TUSC3: variants seen among roughly 807,000 people sequenced by gnomAD.
TUSC3 encodes the protein dolichyl-diphosphooligosaccharide--protein glycosyltransferase subunit TUSC3.
In TUSC3, 45 loss-of-function variants were observed where a neutral mutation model predicts 44.8. The observed-to-expected ratio is 1.00, with a 90% CI of 0.79 to 1.29. The LOEUF (loss-of-function observed/expected upper bound fraction) is 1.29. TUSC3 is among the 50% of genes most tolerant of loss of function. The probability of loss-of-function intolerance (pLI) is 0.00; values close to 1 mark genes in which losing one functional copy is unlikely to be tolerated. For missense variants in TUSC3, 519 were observed against 437.9 expected, an observed-to-expected ratio of 1.19 and a Z score of -1.65; for synonymous variants, 212 against 152.9, an observed-to-expected ratio of 1.39 and a Z score of -2.85.
chr8:15,444,136 G>A (rs1156871447), intron 1 of TUSC3, among the ~76,000 whole-genome samples: 1 of 152,132 alleles, frequency 6.6e-6, no homozygotes. Context: ...ATATTCATAA[G>A]CAATTAATTG....
intron 1 of TUSC3, among the ~76,000 whole-genome samples, chr8:15,429,363 G>T (rs915438984): frequency 1.3e-5 from 2 of 150,892 alleles, no homozygotes; most frequent in African/African-American, 2.5e-5. Context: ...TGCTGTTTTG[G>T]TTACTGTAGC....
At position 15,442,884 on chromosome 8, in the gene TUSC3, C is replaced by T. The variant is rs567747006; in HGVS notation, n.91+25579C>T. Among the ~76,000 whole-genome samples, 8 of 152,244 alleles carry T rather than the reference C, an allele frequency of 5.3e-5. No homozygotes were observed. In the South Asian group the frequency reaches 1.0e-3, roughly 20 times the overall value. On this transcript the variant is annotated intron_variant and non_coding_transcript_variant, in intron 1 of 5. Transcript: ENST00000503191. ...CAGTTGTAGACAAGAATCTTCCCAC[C>T]CTTCATATCTGATCAAGTTTCTCTC...
At position 15,750,761 on chromosome 8, in the gene TUSC3, A is replaced by G. The variant is rs530665427; in HGVS notation, c.1028+2296A>G. ...TGGCATTTGAACAGTCTTCTTATGTAACCAGCCCCACACTCCTGTCAGCTC... is the reference window on the plus strand; with the variant it reads ...TGGCATTTGAACAGTCTTCTTATGTGACCAGCCCCACACTCCTGTCAGCTC... On this transcript the variant is annotated intron_variant, in intron 9 of 10. Coordinates refer to ENST00000503731, the MANE Select transcript of TUSC3 (RefSeq NM_006765.4). Among the ~76,000 whole-genome samples, 6 of 152,234 alleles carry G rather than the reference A, an allele frequency of 3.9e-5. No homozygotes were observed. In the South Asian group the frequency reaches 1.0e-3, roughly 26 times the overall value.
intron 6 of TUSC3, among the ~76,000 whole-genome samples, chr8:15,726,757 G>T (rs974841237): frequency 1.3e-5 from 2 of 152,186 alleles, no homozygotes; most frequent in Non-Finnish European, 2.9e-5. Context: ...AGTGAGCCGA[G>T]ATCATGCCAC....
chr8:15,615,206 A>C (rs998391487), intron 1 of TUSC3, among the ~76,000 whole-genome samples: 11 of 152,220 alleles, frequency 7.2e-5, no homozygotes, highest in African/African-American at 1.4e-4. Flanking sequence ...TGTGGAATCA[A>C]CCTAAGTGTC....
At chr8:15,741,347 AATGT>A (rs1265027242) in intron 7 of TUSC3, among the ~76,000 whole-genome samples, 1 of 152,194 alleles carries the variant, frequency 6.6e-6, no homozygotes, top group Non-Finnish European at 1.5e-5. Context: ...TCATAAAATG[AATGT>A]ATGTTTTACT....
At chr8:15,775,350 G>C in the TUSC3 span, among the ~76,000 whole-genome samples, 1 of 151,952 alleles carries the variant, frequency 6.6e-6, no homozygotes, top group Non-Finnish European at 1.5e-5. Flanking sequence ...GGTTATTTTA[G>C]GGGTGATGAA....
At chr8:15,624,758 T>G (rs1805414720) in intron 2 of TUSC3, among the ~76,000 whole-genome samples, 2 of 152,210 alleles carry the variant, frequency 1.3e-5, no homozygotes, top group Admixed American at 1.3e-4. Context: ...TGTATTTTCC[T>G]CCTCATTACA....
chr8:15,584,946 A>T (rs568439140), intron 1 of TUSC3, among the ~76,000 whole-genome samples: 23 of 152,358 alleles, frequency 1.5e-4, no homozygotes, highest in Admixed American at 1.5e-3. Flanking sequence ...ACATAAAGAC[A>T]TTGAACGATG....
Position 15,573,230 on chromosome 8 carries a change from A to ATATATATAT in TUSC3, c.138+32662_138+32663insTATATATAT, listed in dbSNP as rs1491232177. On this transcript the variant is annotated intron_variant, in intron 1 of 10. Coordinates refer to ENST00000503731, the MANE Select transcript of TUSC3 (RefSeq NM_006765.4). ...TATATATATATATATATATATATAT[A>ATATATATAT]AAAGTTTTTTTTTTTTTGGGCATAC... Among the ~76,000 whole-genome samples, 161 of 105,962 alleles carry ATATATATAT rather than the reference A, an allele frequency of 1.5e-3. 1 individual carries two copies. The highest frequency in any genetic ancestry group is 5.0e-3 in the African/African-American group (128 of 25,754). 69.5% of individuals were successfully genotyped at this position (105,962 alleles called of 152,430 possible).
chr8:15,639,581 T>G (rs1183077725), intron 2 of TUSC3, among the ~76,000 whole-genome samples: 3 of 152,216 alleles, frequency 2.0e-5, no homozygotes, highest in African/African-American at 7.2e-5. Flanking sequence ...AGATAAAACT[T>G]TCTGCATTTT....
Position 15,640,772 on chromosome 8 carries a change from G to A in TUSC3, c.309-9925G>A, listed in dbSNP as rs1337669098. ...AAATTCTCTCCTGGATCCAAGGGGA[G>A]ATGATGGTGAACAAACTGACCTGGC... is the stretch of plus-strand genomic sequence containing the variant. On this transcript the variant is annotated intron_variant, in intron 2 of 10. Coordinates refer to ENST00000503731, the MANE Select transcript of TUSC3 (RefSeq NM_006765.4). 2.6e-5 allele frequency among the ~76,000 whole-genome samples: 4 copies of A among 152,166 alleles called. No individual in the cohort carries two copies. The East Asian group carries it at 5.8e-4, about 22-fold the overall frequency.
At chr8:15,792,650 C>G in the TUSC3 span, among the ~76,000 whole-genome samples, 1 of 152,024 alleles carries the variant, frequency 6.6e-6, no homozygotes, top group African/African-American at 2.4e-5. Flanking sequence ...GAGCCCTGCT[C>G]TGTCACCCAG....
At chr8:15,420,340 T>TA (rs929295817) in intron 1 of TUSC3, among the ~76,000 whole-genome samples, 7 of 150,636 alleles carry the variant, frequency 4.6e-5, no homozygotes, top group Non-Finnish European at 8.9e-5. Flanking sequence ...CTACTAAAAA[T>TA]AAAAAAAAAT....
At chr8:15,621,393 T>G (rs1310411817) in intron 1 of TUSC3, among the ~76,000 whole-genome samples, 1 of 150,964 alleles carries the variant, frequency 6.6e-6, no homozygotes, top group Non-Finnish European at 1.5e-5. Flanking sequence ...GGAGAAGTCC[T>G]TCTATGTCAC....
rs17611281 is a variant in TUSC3 at position 15,436,544 on chromosome 8, A to G, written n.91+19239A>G. Among the ~76,000 whole-genome samples, 177 of 152,336 alleles carry G rather than the reference A, an allele frequency of 1.2e-3. 2 individuals are homozygous for G. The East Asian group carries it at 0.026, about 22-fold the overall frequency. On this transcript the variant is annotated intron_variant and non_coding_transcript_variant, in intron 1 of 5. Transcript: ENST00000503191. ...GCCGAAGAAATAGAGGTTAAGAACA[A>G]CTAATGTTTCTGAAGTCTTCATATA...
chr8:15,565,259 C>A (rs952345350), intron 1 of TUSC3, among the ~76,000 whole-genome samples: 1 of 151,786 alleles, frequency 6.6e-6, no homozygotes, highest in Non-Finnish European at 1.5e-5. Context: ...ACTTCCATTC[C>A]CACATCTGAA....
intron 6 of TUSC3, among the ~76,000 whole-genome samples, chr8:15,725,493 G>C (rs1810462857): frequency 6.6e-6 from 1 of 152,134 alleles, no homozygotes; most frequent in Non-Finnish European, 1.5e-5. Flanking sequence ...GATATAGTTT[G>C]CTATTACTGA....
chr8:15,810,986 C>T, the TUSC3 span, among the ~76,000 whole-genome samples: 1 of 152,218 alleles, frequency 6.6e-6, no homozygotes, highest in South Asian at 2.1e-4. Context: ...TATAGACATT[C>T]TCCTTAGATT....
Sources: allele counts gnomAD v4.1 joint callset (sites outside exome capture counted in the v4.1 genomes callset), GRCh38; gene constraint gnomAD v4.1.1; transcripts MANE v1.5; gene names NCBI Gene and HGNC (gene_info 2026-07-23, HGNC 2026-07-21).